Variants in NUSAP1 observed in about 807,000 individuals in gnomAD.
The protein encoded by NUSAP1 is nucleolar and spindle-associated protein 1.
A neutral mutation model predicts 52.8 loss-of-function variants in NUSAP1; 32 were observed. The observed-to-expected ratio is 0.61, with a 90% CI of 0.46 to 0.81. NUSAP1 has a LOEUF of 0.81. Ranked by LOEUF, NUSAP1 falls within the 40% of genes least tolerant of loss-of-function variation. The pLI is 0.00. For missense variants in NUSAP1, 499 were observed against 522.3 expected (o/e 0.96, Z 0.43); for synonymous variants, 195 against 183.1 (o/e 1.06, Z -0.52).
Position 41,380,243 on chromosome 15 carries a change from ATT to A in NUSAP1, c.*68_*69del, listed in dbSNP as rs11376196. On this transcript the variant is annotated 3_prime_UTR_variant, in exon 11 of 11. Transcript: ENST00000559596. ...ATTCTCAACTTTTTTCCTTTTGTAA[ATT>A]TTTTTTTTTTGCTGTCATCCCCACT... 169 of 1,054,324 alleles carry A rather than the reference ATT, an allele frequency of 1.6e-4. No individual in the cohort carries two copies. The highest frequency in any genetic ancestry group is 1.8e-4 in the South Asian group (11 of 62,390). 65.3% of individuals were successfully genotyped at this position (1,054,324 alleles called of 1,614,324 possible).
At chr15:41,375,264 G>A (rs1346258998) in intron 8 of NUSAP1, among the ~76,000 whole-genome samples, 2 of 141,514 alleles carry the variant, frequency 1.4e-5, no homozygotes, top group South Asian at 2.3e-4. Context: ...CACAACCTCC[G>A]CCTTCCGGGT....
intron 9 of NUSAP1, 146 bp from the exon 10 acceptor site, chr15:41,377,050 C>T (rs1233004297): frequency 5.6e-6 from 3 of 532,548 alleles, no homozygotes; most frequent in South Asian, 4.4e-5. Context: ...CACTGCACTC[C>T]AAACTGAGCG....
At chr15:41,371,714 G>C in intron 8 of NUSAP1, 30 bp downstream of exon 8, 1 of 1,561,958 alleles carries the variant, frequency 6.4e-7, no homozygotes, top group Non-Finnish European at 8.6e-7. Context: ...AAAGAAATCT[G>C]TTTCATTTTT....
chr15:41,334,000 A>G (rs2048021304), intron 1 of NUSAP1, among the ~76,000 whole-genome samples: 1 of 152,242 alleles, frequency 6.6e-6, no homozygotes, highest in Non-Finnish European at 1.5e-5. Flanking sequence ...TATTTTGTTA[A>G]TAGTTGAGAC....
At chr15:41,360,925 C>G (rs552182826) in intron 6 of NUSAP1, among the ~76,000 whole-genome samples, 1 of 151,330 alleles carries the variant, frequency 6.6e-6, no homozygotes, top group Admixed American at 6.6e-5. Flanking sequence ...AAAACCCTGT[C>G]TCTACTAAAA....
At chr15:41,348,015 T>C (rs1445316947) in intron 2 of NUSAP1, among the ~76,000 whole-genome samples, 1 of 151,978 alleles carries the variant, frequency 6.6e-6, no homozygotes, top group African/African-American at 2.4e-5. Flanking sequence ...CCCAGCTGAT[T>C]GGGAGGCTGA....
intron 1 of NUSAP1, among the ~76,000 whole-genome samples, chr15:41,333,655 T>G (rs1401446361): frequency 6.6e-6 from 1 of 152,200 alleles, no homozygotes; most frequent in African/African-American, 2.4e-5. Flanking sequence ...GCGCTGTGGC[T>G]CACGCCTGTA....
intron 2 of NUSAP1, among the ~76,000 whole-genome samples, chr15:41,348,580 A>G (rs1223654032): frequency 6.6e-6 from 1 of 152,038 alleles, no homozygotes; most frequent in South Asian, 2.1e-4. Context: ...TAATTTATTA[A>G]TTTGGGTTGC....
At chr15:41,360,709 A>G (rs1034833581) in intron 6 of NUSAP1, among the ~76,000 whole-genome samples, 6 of 151,488 alleles carry the variant, frequency 4.0e-5, no homozygotes, top group Non-Finnish European at 8.8e-5. Context: ...CACCCACCTC[A>G]GCCTCCCAAA....
At chr15:41,345,446 A>G (rs1391157897) in intron 2 of NUSAP1, 1 of 419,934 alleles carries the variant, frequency 2.4e-6, no homozygotes, top group South Asian at 1.7e-5. Context: ...TTTGAAATTT[A>G]TGATCACCTA....
intron 4 of NUSAP1, among the ~76,000 whole-genome samples, 171 bp downstream of exon 4, chr15:41,351,300 T>TG (rs2048770332): frequency 6.6e-6 from 1 of 152,142 alleles, no homozygotes; most frequent in Admixed American, 6.6e-5. Flanking sequence ...CCAAAATCAA[T>TG]GTGTCAGCAG....
chr15:41,342,517 A>C, intron 2 of NUSAP1, 63 bp downstream of exon 2: 4 of 1,171,830 alleles, frequency 3.4e-6, no homozygotes, highest in Non-Finnish European at 5.0e-6. Context: ...GTTAATGGGC[A>C]ATTAACACAC....
At chr15:41,341,581 C>T (rs996110820) in intron 1 of NUSAP1, among the ~76,000 whole-genome samples, 2 of 152,128 alleles carry the variant, frequency 1.3e-5, no homozygotes, top group African/African-American at 2.4e-5. Context: ...AAGCCAGAAA[C>T]GTTGGCATAA....
At chr15:41,358,334 T>TA (rs1478681425) in intron 6 of NUSAP1, 76 bp downstream of exon 6, 1 of 690,788 alleles carries the variant, frequency 1.4e-6, no homozygotes, top group East Asian at 2.8e-5. Flanking sequence ...ACACCGTGGT[T>TA]ACAACAACTG....
chr15:41,371,498 C>A (rs775352444), intron 7 of NUSAP1, 29 bp from the exon 8 acceptor site: 2 of 1,550,762 alleles, frequency 1.3e-6, no homozygotes, highest in South Asian at 1.2e-5. Context: ...CCACAGTACT[C>A]ATGTCTTGTA....
At chr15:41,343,699 C>A (rs56341337) in intron 2 of NUSAP1, among the ~76,000 whole-genome samples, 31,395 of 151,042 alleles carry the variant, frequency 0.21, 3,523 homozygotes, top group Non-Finnish European at 0.25. Context: ...CCATGTTGGC[C>A]AGGCTGGTCT....
At chr15:41,338,940 G>A (rs982579670) in intron 1 of NUSAP1, among the ~76,000 whole-genome samples, 1 of 152,080 alleles carries the variant, frequency 6.6e-6, no homozygotes, top group African/African-American at 2.4e-5. Flanking sequence ...ACTCCACCCT[G>A]GGCGACAGAG....
intron 7 of NUSAP1, 157 bp downstream of exon 7, chr15:41,365,746 G>T (rs778097107): frequency 4.3e-4 from 185 of 428,908 alleles, no homozygotes; most frequent in Non-Finnish European, 6.4e-4. Context: ...TTTGAGATGA[G>T]GTCTCGCTCT....
rs1483863726 is a variant in NUSAP1, at chr15:41,368,340, A to G, written c.848+2751A>G. Among the ~76,000 whole-genome samples, 5 of 152,298 alleles carry G rather than the reference A, an allele frequency of 3.3e-5. No individual in the cohort carries two copies. The East Asian group carries it at 9.7e-4, about 29-fold the overall frequency. ...GTCAGATATTCTTCATTTTATTAAT[A>G]TATGACTGCCAAGATGCCTAAGGAG... On this transcript the variant is annotated intron_variant, in intron 7 of 10. Coordinates refer to ENST00000559596, the MANE Select transcript of NUSAP1 (RefSeq NM_016359.5).
Sources: gnomAD v4.1 joint callset for allele counts (sites outside exome capture counted in the v4.1 genomes callset) on GRCh38, gnomAD v4.1.1 for gene constraint, MANE v1.5 for transcripts, NCBI Gene and HGNC (gene_info 2026-07-23, HGNC 2026-07-21) for gene names.